Variants in OGFOD3 observed in about 807,000 individuals in gnomAD.
OGFOD3 encodes 2-oxoglutarate and iron dependent oxygenase domain containing 3.
OGFOD3 carries 35 observed loss-of-function variants against 39.8 expected under a neutral mutation model. The ratio of observed to expected loss-of-function variants is 0.88; its 90% CI spans 0.67 to 1.17. OGFOD3 has a LOEUF of 1.17. Among genes scored for constraint, OGFOD3 ranks in the 50% most tolerant of loss-of-function variants. The pLI is 0.00. For missense variants in OGFOD3, 438 were observed against 454.5 expected (o/e 0.96, Z 0.33); for synonymous variants, 200 against 192.0 (o/e 1.04, Z -0.34).
intron 4 of OGFOD3, among the ~76,000 whole-genome samples, chr17:82,408,892 C>CA (rs1186554723): frequency 1.3e-5 from 2 of 152,256 alleles, no homozygotes; most frequent in African/African-American, 4.8e-5. Context: ...CCTGCAGCCT[C>CA]ACATGGGACG....
intron 8 of OGFOD3, among the ~76,000 whole-genome samples, chr17:82,395,592 C>T (rs753504858): frequency 2.0e-5 from 3 of 152,184 alleles, no homozygotes; most frequent in African/African-American, 4.8e-5. Flanking sequence ...GAGGCCGAGG[C>T]GGGTGGATCA....
rs1033420352 is a variant in OGFOD3 at position 82,390,667 on chromosome 17, G to C, written c.*1731C>G. The C allele has an allele frequency of 2.7e-5, 5 of 182,372 alleles. No homozygotes were observed. In the South Asian group the frequency reaches 3.6e-4, roughly 13 times the overall value. The allele number at this position is 182,372 out of a possible 1,614,324, so 11.3% of individuals were successfully genotyped here. On this transcript the variant is annotated 3_prime_UTR_variant, in exon 9 of 9. Transcript: ENST00000313056. This position sits in a 1 kb window ranked among gnomAD's most constrained non-coding sequence, Gnocchi z 4.9. The stretch of plus-strand genomic sequence containing the variant: ...CCACGCCGTCCTCCGCATGTGGCCC[G>C]TGGTGCAGGAGGGGCCCTGGGCAAA...
rs1398214214 is a variant in OGFOD3 at position 82,392,306 on chromosome 17, C to G, written c.*92G>C. 1 of 1,394,608 alleles carries G rather than the reference C, an allele frequency of 7.2e-7. No homozygotes were observed. Among genetic ancestry groups the G allele is most frequent in the African/African-American group, 1.4e-5 (1 of 69,974 alleles). The allele number at this position is 1,394,608 out of a possible 1,614,324, so 86.4% of individuals were successfully genotyped here. ...CAGAGAATTCCTAAGGCACTCTGTG[C>G]AACAGGAGCGGGTGGACGTGGGGGT... On this transcript the variant is annotated 3_prime_UTR_variant, in exon 9 of 9. Transcript: ENST00000313056. This position sits in a 1 kb window ranked among gnomAD's most constrained non-coding sequence, Gnocchi z 4.2.
At position 82,392,515 on chromosome 17, in the gene OGFOD3, G is replaced by A; in HGVS notation, c.843C>T (p.Thr281=). 6.3e-7 allele frequency: 1 copy of A among 1,596,154 alleles called. No individual in the cohort carries two copies. Reference sequence around the variant, plus strand: ...CGCGGTGTAGGTTCTCGGACCCCGAGGTGAAGAAGGAGACGCGACCTGGGA... The same window carrying A: ...CGCGGTGTAGGTTCTCGGACCCCGAAGTGAAGAAGGAGACGCGACCTGGGA... The part of the protein sequence containing the change: ...EPRAGRVSFF[T]SGSENLHRVE... The change falls in exon 9 of 9, where the codon ACC becomes ACT. Residue 281 remains threonine, a synonymous_variant. Transcript: ENST00000313056. The surrounding 1 kb of genome is among the most constrained non-coding windows in gnomAD (Gnocchi z 4.2).
At chr17:82,413,891 AAG>A (rs1491492522) in intron 2 of OGFOD3, among the ~76,000 whole-genome samples, 32 of 142,808 alleles carry the variant, frequency 2.2e-4, no homozygotes, top group Non-Finnish European at 2.5e-4. Flanking sequence ...AAAAAAAAAA[AAG>A]AAGAAAGAAA....
intron 4 of OGFOD3, among the ~76,000 whole-genome samples, chr17:82,408,771 A>G (rs2052896284): frequency 6.6e-6 from 1 of 152,130 alleles, no homozygotes; most frequent in South Asian, 2.1e-4. Context: ...ATCTGGGATG[A>G]TGTCATCTTG....
intron 8 of OGFOD3, chr17:82,393,485 GT>G (rs2052624472): frequency 6.6e-6 from 1 of 152,268 alleles, no homozygotes; most frequent in African/African-American, 2.4e-5. Context: ...GGATGCAATG[GT>G]CACCTCTTAA....
intron 2 of OGFOD3, among the ~76,000 whole-genome samples, chr17:82,413,269 G>C (rs543666439): frequency 1.1e-3 from 170 of 152,350 alleles, no homozygotes; most frequent in Non-Finnish European, 4.3e-4. Context: ...AGAGGGAAGA[G>C]AGGGTCCCCC....
intron 2 of OGFOD3, among the ~76,000 whole-genome samples, chr17:82,413,420 G>A (rs977944407): frequency 2.0e-5 from 3 of 152,220 alleles, no homozygotes; most frequent in African/African-American, 7.2e-5. Context: ...TTCCATAGCC[G>A]GTGGGTGAAG....
intron 2 of OGFOD3, chr17:82,411,804 C>T: frequency 2.1e-6 from 1 of 477,098 alleles, no homozygotes; most frequent in Middle Eastern, 5.7e-4. Flanking sequence ...AAACCCCAGA[C>T]ACGGCGTCAA....
Position 82,392,675 on chromosome 17 carries a change from G to T in OGFOD3, c.824-141C>A. The T allele has an allele frequency of 1.0e-6, 1 of 981,274 alleles. No individual in the cohort carries two copies. The highest frequency in any genetic ancestry group is 1.5e-6 in the Non-Finnish European group (1 of 676,108). The allele number at this position is 981,274 out of a possible 1,614,324, so 60.8% of individuals were successfully genotyped here. ...CAGGCTGGAGAAATTGCCCCTCTGG[G>T]AACTGCTTCTGCAGGAAGGAGGAGC... is the stretch of plus-strand genomic sequence containing the variant. On this transcript the variant is annotated intron_variant, in intron 8 of 8. Coordinates refer to ENST00000313056, the MANE Select transcript of OGFOD3 (RefSeq NM_024648.3). This position sits in a 1 kb window ranked among gnomAD's most constrained non-coding sequence, Gnocchi z 4.2.
intron 8 of OGFOD3, chr17:82,396,948 C>T (rs1449704755): frequency 6.6e-6 from 1 of 152,270 alleles, no homozygotes; most frequent in African/African-American, 2.4e-5. Flanking sequence ...CACACACGGC[C>T]TGAAGCCGGC....
Position 82,403,918 on chromosome 17 carries a change from T to G in OGFOD3, c.699+19A>C. ...ACCTTGTCCACGGGCACGCTCACCC[T>G]GCCCACGGGCGCGCTCACCTTGTCC... On this transcript the variant is annotated intron_variant, in intron 7 of 8. Transcript: ENST00000313056. 5.0e-6 allele frequency: 8 copies of G among 1,592,354 alleles called. No individual in the cohort carries two copies. The highest frequency in any genetic ancestry group is 6.8e-6 in the Non-Finnish European group (8 of 1,173,340).
intron 2 of OGFOD3, among the ~76,000 whole-genome samples, chr17:82,411,879 C>T (rs1193891646): frequency 6.6e-6 from 1 of 152,232 alleles, no homozygotes; most frequent in Non-Finnish European, 1.5e-5. Context: ...GAAAACCCTT[C>T]TGAGACCACC....
chr17:82,405,788 A>G (rs1362690919), intron 5 of OGFOD3, among the ~76,000 whole-genome samples: 1 of 152,072 alleles, frequency 6.6e-6, no homozygotes, highest in Admixed American at 6.5e-5. Flanking sequence ...CATCTCTACT[A>G]AAAATACAAA....
rs1052945964 is a variant in OGFOD3 at position 82,404,745 on chromosome 17, T to TC, written c.545+578_545+579insG. Among the ~76,000 whole-genome samples the TC allele has an allele frequency of 2.0e-5, 3 of 148,778 alleles. No homozygotes were observed. The highest frequency in any genetic ancestry group is 1.9e-4 in the East Asian group (1 of 5,132). ...CAGAATTTTTTCTTTTCTTTTCTTT[T>TC]TTTTTTTTTTTTTTGAGATGAGGCT... On this transcript the variant is annotated intron_variant, in intron 6 of 8. Coordinates refer to ENST00000313056, the MANE Select transcript of OGFOD3 (RefSeq NM_024648.3). The surrounding 1 kb of genome is among the most constrained non-coding windows in gnomAD (Gnocchi z 4.5).
chr17:82,411,515 T>A lies in OGFOD3; in HGVS notation c.320A>T (p.Lys107Met), dbSNP rs141944954. ...GACATCGGTGACACCTCTGCCGCAC[T>A]TTCGGGGAGTGCAGCCTGTGAAGGG... ...HRRFEGCTPRKCGRGVTDVVI... is the reference protein window; with the variant it reads ...HRRFEGCTPRMCGRGVTDVVI... The change falls in exon 3 of 9, where the codon AAG (lysine) becomes ATG (methionine). Residue 107 changes from lysine to methionine, a missense_variant. Coordinates refer to ENST00000313056, the MANE Select transcript of OGFOD3 (RefSeq NM_024648.3). The A allele has an allele frequency of 5.2e-4, 840 of 1,614,096 alleles. 1 individual carries two copies. The African/African-American group carries it at 9.7e-3, about 19-fold the overall frequency.
At chr17:82,410,097 C>T (rs2052920117) in intron 3 of OGFOD3, among the ~76,000 whole-genome samples, 1 of 152,204 alleles carries the variant, frequency 6.6e-6, no homozygotes, top group African/African-American at 2.4e-5. Context: ...GATAGGGGCC[C>T]TGACCATGGT....
In OGFOD3 at chr17:82,390,096, ATAGTG is replaced by A; in HGVS notation, c.*2297_*2301del. The A allele has an allele frequency of 6.6e-6, 1 of 152,384 alleles. No individual in the cohort carries two copies. Among genetic ancestry groups the A allele is most frequent in the African/African-American group, 2.4e-5 (1 of 41,594 alleles). The allele number at this position is 152,384 out of a possible 1,614,324, so 9.4% of individuals were successfully genotyped here. On this transcript the variant is annotated 3_prime_UTR_variant, in exon 9 of 9. Transcript: ENST00000313056. The surrounding 1 kb of genome is among the most constrained non-coding windows in gnomAD (Gnocchi z 4.9). ...CCAAGTATCTCTGTGATTATCATGA[ATAGTG>A]TAAGTAGCCAAGAATGAAAATCAAA...
Sources: allele counts gnomAD v4.1 joint callset (sites outside exome capture counted in the v4.1 genomes callset), GRCh38; gene constraint gnomAD v4.1.1; non-coding constraint Gnocchi (gnomAD v3.1); transcripts MANE v1.5; gene names NCBI Gene and HGNC (gene_info 2026-07-23, HGNC 2026-07-21).